Variants in CNBP observed in about 807,000 individuals in gnomAD.
CNBP encodes CCHC-type zinc finger nucleic acid binding protein.
In CNBP, 6 loss-of-function variants were observed where a neutral mutation model predicts 21.2. The ratio of observed to expected loss-of-function variants is 0.28; its 90% CI spans 0.16 to 0.56. The LOEUF (loss-of-function observed/expected upper bound fraction) is 0.56. Ranked by LOEUF, CNBP falls within the 20% of genes least tolerant of loss-of-function variation. The pLI is 0.93. For synonymous variants in CNBP, 61 were observed against 74.9 expected (o/e 0.81, Z 0.96); for missense variants, 112 against 233.1 (o/e 0.48, Z 3.38).
intron 1 of CNBP, among the ~76,000 whole-genome samples, chr3:129,180,881 T>C (rs1938241147): frequency 6.6e-6 from 1 of 152,120 alleles, no homozygotes. Flanking sequence ...TTTCACTGCT[T>C]TTAGGCACCA....
In CNBP at chr3:129,172,006, C is replaced by T. The variant is rs151207292; in HGVS notation, c.-14-235G>A. 2.7e-3 allele frequency among the ~76,000 whole-genome samples: 408 copies of T among 151,978 alleles called. 2 individuals carry two copies. Among genetic ancestry groups the T allele is most frequent in the African/African-American group, 9.3e-3 (384 of 41,452 alleles). On this transcript the variant is annotated intron_variant, in intron 1 of 4. Coordinates refer to ENST00000422453, the MANE Select transcript of CNBP (RefSeq NM_003418.5). ...CTAACATGGTGAAACCCCGTCTCTA[C>T]GAAAAATACAAAAAATTAGCCCGGT...
chr3:129,176,146 CTAAGG>C (rs1471609190), intron 1 of CNBP, among the ~76,000 whole-genome samples: 3 of 152,162 alleles, frequency 2.0e-5, no homozygotes, highest in African/African-American at 7.2e-5. Context: ...CTTAGGAAAA[CTAAGG>C]TAAGGTAAGA....
Position 129,168,697 on chromosome 3 carries a change from C to G in CNBP, c.*1756G>C, listed in dbSNP as rs190331793. ...TCAGAATCGGCCAGACACGGTGGCT[C>G]GCACCTGTAACACTAGCACTTTGGG... On this transcript the variant is annotated 3_prime_UTR_variant, in exon 5 of 5. Transcript: ENST00000422453. Among the ~76,000 whole-genome samples the G allele has an allele frequency of 4.2e-3, 624 of 149,696 alleles. 2 individuals carry two copies. The highest frequency in any genetic ancestry group is 0.014 in the African/African-American group (576 of 40,684).
chr3:129,174,337 AAG>A, intron 1 of CNBP, among the ~76,000 whole-genome samples: 1 of 142,932 alleles, frequency 7.0e-6, no homozygotes, highest in South Asian at 2.3e-4. Context: ...TCCACCACAG[AAG>A]AGTCAGAATT....
At chr3:129,173,310 T>C (rs919654381) in intron 1 of CNBP, among the ~76,000 whole-genome samples, 7 of 152,186 alleles carry the variant, frequency 4.6e-5, no homozygotes, top group South Asian at 2.1e-4. Context: ...CTATTTTATA[T>C]TGGGAACTTG....
At chr3:129,179,134 G>C (rs981535075) in intron 1 of CNBP, among the ~76,000 whole-genome samples, 1 of 152,026 alleles carries the variant, frequency 6.6e-6, no homozygotes, top group African/African-American at 2.4e-5. Context: ...AAAATTGGCC[G>C]GGTGTGGTGG....
chr3:129,171,648 A>G lies in CNBP; in HGVS notation c.110T>C (p.Phe37Ser), dbSNP rs1418573658. ...CGACAAAATACCTCTATCCGAGGTA[A>G]AACCACCTCTGCCACGGCTTCTCAT... ...RGMRSRGRGGFTSDRGFQFVS... is the reference protein window; with the variant it reads ...RGMRSRGRGGSTSDRGFQFVS... Residue 37 changes from phenylalanine (F) to serine (S), a missense_variant, in exon 2 of 5, where the codon TTT becomes TCT. Physicochemically the swap from Phe to Ser is radical, Grantham distance 155. Transcript: ENST00000422453. 3 of 1,614,200 alleles carry G rather than the reference A, an allele frequency of 1.9e-6. No homozygotes were observed. Among genetic ancestry groups the G allele is most frequent in the Non-Finnish European group, 2.5e-6 (3 of 1,180,026 alleles).
chr3:129,173,928 C>T (rs771218233), intron 1 of CNBP, among the ~76,000 whole-genome samples: 7 of 152,188 alleles, frequency 4.6e-5, no homozygotes, highest in Non-Finnish European at 7.3e-5. Flanking sequence ...CAAGGTTCTC[C>T]ACTTTCAGTA....
intron 1 of CNBP, 70 bp downstream of exon 1, chr3:129,183,706 C>T (rs547320875): frequency 5.2e-5 from 8 of 152,944 alleles, no homozygotes; most frequent in Admixed American, 3.9e-4. Flanking sequence ...GCTCCCTACC[C>T]TCTCTGTCCG....
intron 1 of CNBP, among the ~76,000 whole-genome samples, chr3:129,175,784 TAAAG>T (rs1490944009): frequency 6.6e-6 from 1 of 152,190 alleles, no homozygotes; most frequent in Non-Finnish European, 1.5e-5. Flanking sequence ...TTAATGCTAA[TAAAG>T]AAAACACTAA....
chr3:129,174,324 G>A (rs1416006502), intron 1 of CNBP, among the ~76,000 whole-genome samples: 1 of 121,758 alleles, frequency 8.2e-6, no homozygotes, highest in East Asian at 2.8e-4. Context: ...GTATTTGCTG[G>A]TTTCCACCAC....
chr3:129,175,803 T>G (rs1937863758), intron 1 of CNBP, among the ~76,000 whole-genome samples: 1 of 152,182 alleles, frequency 6.6e-6, no homozygotes, highest in Non-Finnish European at 1.5e-5. Context: ...CACTAAGTCT[T>G]AAAAGGGAAG....
At chr3:129,178,158 C>T (rs79666693) in intron 1 of CNBP, among the ~76,000 whole-genome samples, 1 of 103,900 alleles carries the variant, frequency 9.6e-6, no homozygotes, top group African/African-American at 4.3e-5. Flanking sequence ...GACTCTGTCT[C>T]AAAAAAAAAA....
intron 1 of CNBP, among the ~76,000 whole-genome samples, chr3:129,181,321 G>T (rs746577617): frequency 2.9e-5 from 4 of 136,304 alleles, no homozygotes; most frequent in Non-Finnish European, 6.3e-5. Flanking sequence ...CTTTAAAAAA[G>T]ACATCTCCCT....
At chr3:129,171,412 A>G in intron 3 of CNBP, 34 bp downstream of exon 3, 1 of 1,596,828 alleles carries the variant, frequency 6.3e-7, no homozygotes, top group East Asian at 2.2e-5. Context: ...TCCAAGCTCT[A>G]GAGGGGTATG....
At chr3:129,172,576 ACAGGCAGGCAGG>A (rs553299762) in intron 1 of CNBP, among the ~76,000 whole-genome samples, 8 of 116,258 alleles carry the variant, frequency 6.9e-5, no homozygotes, top group African/African-American at 1.8e-4. Flanking sequence ...AGTGAGACAG[ACAGGCAGGCAGG>A]CAGGCAGGCA....
At position 129,183,073 on chromosome 3, in the gene CNBP, C is replaced by G. The variant is rs565272710; in HGVS notation, c.-15+703G>C. 9.3e-4 allele frequency among the ~76,000 whole-genome samples: 141 copies of G among 152,164 alleles called. 1 individual carries two copies. Among genetic ancestry groups the G allele is most frequent in the South Asian group, 5.4e-3 (26 of 4,824 alleles). ...TTCACGCGATTCTCCTGTCCAGCCT[C>G]CCGAGCTGCTGGGACTACATGCGCC... On this transcript the variant is annotated intron_variant, in intron 1 of 4. Coordinates refer to ENST00000422453, the MANE Select transcript of CNBP (RefSeq NM_003418.5).
intron 1 of CNBP, among the ~76,000 whole-genome samples, 162 bp from the exon 2 acceptor site, chr3:129,171,933 A>G (rs895457303): frequency 6.6e-6 from 1 of 152,214 alleles, no homozygotes; most frequent in Non-Finnish European, 1.5e-5. Flanking sequence ...TAATCCCATC[A>G]CTTTGGGAGG....
At position 129,171,742 on chromosome 3, in the gene CNBP, AC is replaced by A. The variant is rs1937572879; in HGVS notation, c.15del (p.Glu5AspfsTer25). ...TGGCCAGATCGTCCACACTTGAAGC[AC>A]TCATTGCTGCTCATGGCTGCAGTCA... is the stretch of plus-strand genomic sequence containing the variant. MSSN[E>X]CFKCGRSGHW... On this transcript the variant is annotated frameshift_variant, in exon 2 of 5. Transcript: ENST00000422453. LOFTEE classifies it high-confidence loss of function. 1 of 1,613,932 alleles carries A rather than the reference AC, an allele frequency of 6.2e-7. No individual in the cohort carries two copies.
Sources: allele counts gnomAD v4.1 joint callset (sites outside exome capture counted in the v4.1 genomes callset), GRCh38; gene constraint gnomAD v4.1.1; transcripts MANE v1.5; gene names NCBI Gene and HGNC (gene_info 2026-07-23, HGNC 2026-07-21).